The following GBF1 variants were observed in gnomAD, a reference collection of about 807,000 sequenced individuals.
GBF1 encodes golgi brefeldin A resistant guanine nucleotide exchange factor 1, also known as Golgi-specific brefeldin A-resistance guanine nucleotide exchange factor 1.
GBF1 carries 114 observed loss-of-function variants against 210.5 expected under a neutral mutation model. The ratio of observed to expected loss-of-function variants is 0.54; its 90% confidence interval spans 0.47 to 0.63. GBF1 has a LOEUF of 0.63. Ranked by LOEUF, GBF1 falls within the 30% of genes least tolerant of loss-of-function variation. GBF1 has a pLI of 0.00. For missense variants in GBF1, 1,851 were observed against 2,357.7 expected, an observed-to-expected ratio of 0.79 and a Z score of 4.45; for synonymous variants, 850 against 889.2, an observed-to-expected ratio of 0.96 and a Z score of 0.78.
intron 3 of GBF1, among the ~76,000 whole-genome samples, chr10:102,326,420 GGTGAGTT>G (rs1167995403): frequency 6.6e-6 from 1 of 152,166 alleles, no homozygotes; most frequent in African/African-American, 2.4e-5. Context: ...CTCCCAGACT[GGTGAGTT>G]GGGAAGCAAA....
intron 1 of GBF1, among the ~76,000 whole-genome samples, chr10:102,256,008 C>T (rs892937609): frequency 2.6e-5 from 4 of 152,030 alleles, no homozygotes; most frequent in Non-Finnish European, 4.4e-5. Flanking sequence ...TGCAGTGGCA[C>T]GAACGCGGTT....
intron 3 of GBF1, among the ~76,000 whole-genome samples, chr10:102,265,246 G>T (rs985707509): frequency 6.6e-6 from 1 of 152,180 alleles, no homozygotes; most frequent in Non-Finnish European, 1.5e-5. Context: ...ATAGTCAGTT[G>T]TGAGTTGTGG....
intron 24 of GBF1, 44 bp downstream of exon 24, chr10:102,369,431 C>A: frequency 6.9e-7 from 1 of 1,450,546 alleles, no homozygotes; most frequent in Non-Finnish European, 9.7e-7. Flanking sequence ...AAGGCAAGAG[C>A]TGCAACATTG....
intron 3 of GBF1, among the ~76,000 whole-genome samples, chr10:102,329,568 A>G (rs1366731447): frequency 6.6e-6 from 1 of 152,036 alleles, no homozygotes; most frequent in African/African-American, 2.4e-5. Context: ...GGTTCACTCC[A>G]TTCTCCTGCC....
In GBF1 at chr10:102,344,117, C is replaced by G. The variant is rs753686587; in HGVS notation, c.230C>G (p.Thr77Ser). The change falls in exon 4 of 40, where the codon ACC becomes AGC. Residue 77 changes from threonine (T) to serine (S), a missense_variant. Physicochemically the swap from Thr to Ser is moderately conservative, Grantham distance 58 (BLOSUM62 1). Transcript: ENST00000369983. ...PFLEVIRSED[T>S]TGPITGLALT... The stretch of plus-strand genomic sequence containing the variant: ...CTGGAAGTGATTCGCTCTGAAGATA[C>G]CACTGGCCCTATCACTGGACTGGCA... 6.2e-7 allele frequency: 1 copy of G among 1,611,252 alleles called. No individual in the cohort carries two copies. The highest frequency in any genetic ancestry group is 8.5e-7 in the Non-Finnish European group (1 of 1,177,398).
Position 102,277,004 on chromosome 10 carries a change from A to G in GBF1, c.163+16888A>G, listed in dbSNP as rs1166143941. ...CACACACACACACATGCACACACGT[A>G]TGTATGTATGTATGTATATATAGAC... On this transcript the variant is annotated intron_variant, in intron 3 of 39. Coordinates refer to ENST00000369983, the MANE Select transcript of GBF1 (RefSeq NM_001377137.1). 2.0e-5 allele frequency among the ~76,000 whole-genome samples: 3 copies of G among 151,968 alleles called. No homozygotes were observed. The East Asian group carries it at 5.8e-4, about 29-fold the overall frequency.
At chr10:102,231,914 T>C in the GBF1 span, 2 of 1,562,054 alleles carry the variant, frequency 1.3e-6, no homozygotes, top group Non-Finnish European at 1.8e-6. Flanking sequence ...CCACCCGCAC[T>C]GGGGATGAAG....
At chr10:102,287,934 G>T (rs2076099678) in intron 3 of GBF1, among the ~76,000 whole-genome samples, 2 of 152,216 alleles carry the variant, frequency 1.3e-5, no homozygotes, top group Admixed American at 1.3e-4. Flanking sequence ...GGGACTTCAA[G>T]ATTGATTTTT....
intron 3 of GBF1, among the ~76,000 whole-genome samples, chr10:102,313,940 A>C (rs1353616534): frequency 1.1e-4 from 17 of 152,072 alleles, no homozygotes; most frequent in Admixed American, 1.1e-3. Flanking sequence ...TCTACCCTTT[A>C]ATTTAGATGG....
At chr10:102,231,932 G>A in the GBF1 span, 7 of 1,577,306 alleles carry the variant, frequency 4.4e-6, no homozygotes, top group African/African-American at 6.7e-5. Context: ...AAGCTGTTAT[G>A]TCCTGCACCC....
At chr10:102,271,986 C>G (rs2074478635) in intron 3 of GBF1, among the ~76,000 whole-genome samples, 1 of 152,118 alleles carries the variant, frequency 6.6e-6, no homozygotes. Context: ...CTCCTGAGCT[C>G]AAGTGATCCA....
intron 3 of GBF1, among the ~76,000 whole-genome samples, chr10:102,269,560 A>T (rs1270616908): frequency 2.0e-5 from 3 of 152,162 alleles, no homozygotes; most frequent in Admixed American, 6.5e-5. Context: ...AAAATCCTCT[A>T]AAAGTAGAGG....
At chr10:102,318,752 G>C (rs2056096768) in intron 3 of GBF1, among the ~76,000 whole-genome samples, 2 of 151,682 alleles carry the variant, frequency 1.3e-5, no homozygotes, top group Non-Finnish European at 2.9e-5. Flanking sequence ...TAAATAATAT[G>C]TTGATACTAC....
intron 3 of GBF1, among the ~76,000 whole-genome samples, chr10:102,305,185 GTGTGT>G (rs1299783946): frequency 6.8e-6 from 1 of 147,140 alleles, no homozygotes; most frequent in Non-Finnish European, 1.5e-5. Flanking sequence ...TTGTGTGTGT[GTGTGT>G]GTGTGTGTGT....
chr10:102,340,267 C>CTTTTTT (rs1158590447), intron 3 of GBF1, among the ~76,000 whole-genome samples: 3 of 83,542 alleles, frequency 3.6e-5, no homozygotes, highest in African/African-American at 5.1e-5. Flanking sequence ...TGGTCCATGC[C>CTTTTTT]TTTTTTTTTT....
chr10:102,328,842 TTG>T (rs2057109179), intron 3 of GBF1, among the ~76,000 whole-genome samples: 1 of 152,208 alleles, frequency 6.6e-6, no homozygotes, highest in Non-Finnish European at 1.5e-5. Flanking sequence ...ATAGTTATAA[TTG>T]ATAATAAACC....
intron 15 of GBF1, among the ~76,000 whole-genome samples, chr10:102,362,989 C>A (rs2059700361): frequency 6.6e-6 from 1 of 152,248 alleles, no homozygotes; most frequent in South Asian, 2.1e-4. Flanking sequence ...TCTGCCTCCA[C>A]TCTAATTAGT....
At position 102,382,493 on chromosome 10, in the gene GBF1, A is replaced by C; in HGVS notation, c.*157A>C. 1 of 622,516 alleles carries C rather than the reference A, an allele frequency of 1.6e-6. No individual in the cohort carries two copies. The highest frequency in any genetic ancestry group is 2.9e-5 in the East Asian group (1 of 34,156). The allele number at this position is 622,516 out of a possible 1,614,324, so 38.6% of individuals were successfully genotyped here. On this transcript the variant is annotated 3_prime_UTR_variant, in exon 40 of 40. Coordinates refer to ENST00000369983, the MANE Select transcript of GBF1 (RefSeq NM_001377137.1). Reference sequence around the variant, plus strand: ...TGAAAAAGAGAATGTTGATAGCCCCAGCTAAGACCCCCAATCAGCTGTGGG... The same window carrying C: ...TGAAAAAGAGAATGTTGATAGCCCCCGCTAAGACCCCCAATCAGCTGTGGG...
intron 3 of GBF1, among the ~76,000 whole-genome samples, chr10:102,336,401 A>G (rs1326617733): frequency 6.6e-6 from 1 of 152,052 alleles, no homozygotes; most frequent in Non-Finnish European, 1.5e-5. Context: ...CTAGAACAAT[A>G]TCTTAGTTAT....
Sources: gnomAD v4.1 joint callset for allele counts (sites outside exome capture counted in the v4.1 genomes callset) on GRCh38, gnomAD v4.1.1 for gene constraint, MANE v1.5 for transcripts, NCBI Gene and HGNC (gene_info 2026-07-23, HGNC 2026-07-21) for gene names.